The following RTN4 variants were observed in gnomAD, a reference collection of about 807,000 sequenced individuals.
The protein encoded by RTN4 is reticulon-4.
RTN4 carries 32 observed loss-of-function variants against 90.4 expected under a neutral mutation model. That is an observed-to-expected ratio of 0.35 (90% CI 0.27 to 0.48). The LOEUF is 0.48. RTN4 is among the 20% of genes least tolerant of loss of function. The probability of loss-of-function intolerance (pLI) is 0.99; values close to 1 mark genes in which losing one functional copy is unlikely to be tolerated. For synonymous variants in RTN4, 629 were observed against 552.5 expected, an observed-to-expected ratio of 1.14 and a Z score of -1.94; for missense variants, 1,706 against 1,430.2, an observed-to-expected ratio of 1.19 and a Z score of -3.11.
At chr2:55,031,459 G>T (rs902470588) in intron 1 of RTN4, among the ~76,000 whole-genome samples, 3 of 152,188 alleles carry the variant, frequency 2.0e-5, no homozygotes. Flanking sequence ...CTGGATAGGG[G>T]TTCCTCTTAA....
rs1486893043 is a variant in RTN4 at position 54,982,643 on chromosome 2, C to T, written c.3232G>A (p.Glu1078Lys). 7 of 1,605,024 alleles carry T rather than the reference C, an allele frequency of 4.4e-6. No individual in the cohort carries two copies. In the African/African-American group the frequency reaches 9.4e-5, roughly 22 times the overall value. ...DEGHPFRAYL[E>K]SEVAISEELV... ...TCCTCAGATATAGCAACTTCAGATTCCAGATATGCCCTAGAAAACAAAACA... is the reference window on the plus strand; with the variant it reads ...TCCTCAGATATAGCAACTTCAGATTTCAGATATGCCCTAGAAAACAAAACA... Residue 1078 changes from glutamate (E) to lysine (K), a missense_variant, in exon 5 of 9, where the codon GAA (glutamate) becomes AAA (lysine). Coordinates refer to ENST00000337526, the MANE Select transcript of RTN4 (RefSeq NM_020532.5).
rs530014526 is a variant in RTN4 at position 55,105,108 on chromosome 2, A to T, written c.-214+7412T>A. Among the ~76,000 whole-genome samples, 51 of 151,284 alleles carry T rather than the reference A, an allele frequency of 3.4e-4. No individual in the cohort carries two copies. In the Middle Eastern group the frequency reaches 0.017, roughly 51 times the overall value. ...AGGCGTGAGCCACCTGGCCCTGCTC[A>T]TTGTTTTCATTAGCATTTCTTTGAT... is the stretch of plus-strand genomic sequence containing the variant. On this transcript the variant is annotated intron_variant, in intron 1 of 3. Coordinates refer to the RTN4 transcript ENST00000427710.
chr2:55,099,699 C>T (rs1667817889), intron 1 of RTN4, among the ~76,000 whole-genome samples: 1 of 152,062 alleles, frequency 6.6e-6, no homozygotes, highest in Non-Finnish European at 1.5e-5. Context: ...TTTGAATCAC[C>T]ACTCTGCCAC....
rs1678592156 is a variant in RTN4, at chr2:54,986,757, T to C, written c.3221+734A>G. ...GTTGGGGAGTTGAACTGTTAATAAGTAGGAAGTTTCTTTTTGTGCGATGAA... is the reference window on the plus strand; with the variant it reads ...GTTGGGGAGTTGAACTGTTAATAAGCAGGAAGTTTCTTTTTGTGCGATGAA... On this transcript the variant is annotated intron_variant, in intron 4 of 8. Coordinates refer to ENST00000337526, the MANE Select transcript of RTN4 (RefSeq NM_020532.5). 3.3e-5 allele frequency among the ~76,000 whole-genome samples: 5 copies of C among 152,164 alleles called. No individual in the cohort carries two copies. The South Asian group carries it at 1.0e-3, about 32-fold the overall frequency.
rs1399086564 is a variant in RTN4, at chr2:54,973,173, T to G, written c.3562A>C (p.Lys1188Gln). 1 of 1,605,132 alleles carries G rather than the reference T, an allele frequency of 6.2e-7. No individual in the cohort carries two copies. Among genetic ancestry groups the G allele is most frequent in the Non-Finnish European group, 8.5e-7 (1 of 1,172,602 alleles). Residue 1188 changes from lysine (K) to glutamine (Q), a missense_variant, in exon 9 of 9, where the codon AAG (lysine) becomes CAG (glutamine). Physicochemically the swap from Lys to Gln is moderately conservative, Grantham distance 53. Transcript: ENST00000337526. ...AKIQAKIPGL[K>Q]RKAE ...GGGCGTTTTCATTCAGCTTTGCGCT[T>G]CAATCCAGGGATTTTTGCTTGGATT...
intron 1 of RTN4, among the ~76,000 whole-genome samples, chr2:55,088,955 G>A (rs1573510177): frequency 6.6e-6 from 1 of 152,152 alleles, no homozygotes; most frequent in East Asian, 1.9e-4. Context: ...ATTTTGAGAT[G>A]GAGTCTCGTT....
intron 1 of RTN4, among the ~76,000 whole-genome samples, chr2:55,030,364 G>A (rs1361703161): frequency 2.0e-5 from 3 of 151,934 alleles, no homozygotes; most frequent in Non-Finnish European, 2.9e-5. Flanking sequence ...AATGGGATTC[G>A]ATCCAGTTAC....
rs148063813 is a variant in RTN4 at position 55,022,554 on chromosome 2, A to G, written c.3013+2532T>C. Among the ~76,000 whole-genome samples, 669 of 152,232 alleles carry G rather than the reference A, an allele frequency of 4.4e-3. 7 individuals are homozygous for G. The highest frequency in any genetic ancestry group is 0.015 in the African/African-American group (628 of 41,532). On this transcript the variant is annotated intron_variant, in intron 3 of 8. Transcript: ENST00000337526. Reference sequence around the variant, plus strand: ...CCCTCTGCTCACCAATGCTGCTTCCAGACTTTTATTTCAGAGACCTTGGGC... The same window carrying G: ...CCCTCTGCTCACCAATGCTGCTTCCGGACTTTTATTTCAGAGACCTTGGGC...
intron 1 of RTN4, among the ~76,000 whole-genome samples, chr2:55,034,885 T>C (rs1682570346): frequency 6.6e-6 from 1 of 152,200 alleles, no homozygotes; most frequent in African/African-American, 2.4e-5. Flanking sequence ...GAAAGTATGT[T>C]TTATTACATG....
At chr2:55,123,021 C>T in the RTN4 span, among the ~76,000 whole-genome samples, 4 of 152,220 alleles carry the variant, frequency 2.6e-5, no homozygotes. Flanking sequence ...AAAATTATTA[C>T]AGCACTGCAA....
chr2:55,047,327 CAAAAAA>C (rs71799240), intron 1 of RTN4, among the ~76,000 whole-genome samples: 2 of 109,724 alleles, frequency 1.8e-5, no homozygotes, highest in Non-Finnish European at 4.1e-5. Context: ...GAGACTATCT[CAAAAAA>C]AAAAAAAAAA....
chr2:55,113,468 G>A (rs1489509779), upstream of RTN4, among the ~76,000 whole-genome samples: 4 of 152,158 alleles, frequency 2.6e-5, no homozygotes. Context: ...GTCCTCTTTT[G>A]GAAAGCTTCT....
intron 1 of RTN4, among the ~76,000 whole-genome samples, chr2:55,105,333 A>G (rs1216099350): frequency 4.7e-5 from 7 of 149,240 alleles, no homozygotes; most frequent in African/African-American, 1.7e-4. Flanking sequence ...AGGTTCAAGC[A>G]GTTCTCCTGC....
At chr2:55,006,084 G>T (rs560403831) in intron 3 of RTN4, among the ~76,000 whole-genome samples, 1 of 152,132 alleles carries the variant, frequency 6.6e-6, no homozygotes, top group African/African-American at 2.4e-5. Flanking sequence ...ATACTTAATG[G>T]AGGAAAAAGA....
At chr2:55,096,591 C>G (rs1667723244) in intron 1 of RTN4, among the ~76,000 whole-genome samples, 2 of 152,204 alleles carry the variant, frequency 1.3e-5, no homozygotes, top group South Asian at 2.1e-4. Flanking sequence ...TAATCATAGC[C>G]TTTCTCTGGC....
chr2:54,972,817 T>A lies in RTN4; in HGVS notation c.*339A>T. The stretch of plus-strand genomic sequence containing the variant: ...GGGCTTTTTTTTTTTTTTTTCTAGC[T>A]CCACCATCTCTGCAACTTGCCAAGA... On this transcript the variant is annotated 3_prime_UTR_variant, in exon 9 of 9. Coordinates refer to ENST00000337526, the MANE Select transcript of RTN4 (RefSeq NM_020532.5). 5.3e-6 allele frequency: 1 copy of A among 187,992 alleles called. No individual in the cohort carries two copies. The highest frequency in any genetic ancestry group is 1.1e-5 in the Non-Finnish European group (1 of 94,788). 11.6% of individuals were successfully genotyped at this position (187,992 alleles called of 1,614,324 possible). A position where few individuals can be genotyped will look rare whatever the true frequency, so the allele number is the denominator to read the frequency against.
chr2:55,116,089 G>GACTTTTTTTTTTTTTTTTTTTTTTTTT (rs1409371829), upstream of RTN4, among the ~76,000 whole-genome samples: 1 of 81,276 alleles, frequency 1.2e-5, no homozygotes, highest in African/African-American at 5.1e-5. Context: ...ATGGGGACTA[G>GACTTTTTTTTTTTTTTTTTTTTTTTTT]TCTTTTTTTT....
In RTN4 at chr2:55,066,201, G is replaced by T. The variant is rs868426291; in HGVS notation, c.-63+14288C>A. On this transcript the variant is annotated intron_variant, in intron 2 of 3. Transcript: ENST00000427710. The stretch of plus-strand genomic sequence containing the variant: ...TGTGTGTGTGTGTGTGTTTGTGTGT[G>T]TGTGTGTGTGTGTGTGTGTGTATGT... 8.9e-4 allele frequency among the ~76,000 whole-genome samples: 122 copies of T among 136,752 alleles called. 1 individual carries two copies. Among genetic ancestry groups the T allele is most frequent in the African/African-American group, 4.0e-3 (115 of 28,598 alleles). The allele number at this position is 136,752 out of a possible 152,430, so 89.7% of individuals were successfully genotyped here.
chr2:55,066,561 G>T (rs1392398665), intron 2 of RTN4, among the ~76,000 whole-genome samples: 1 of 152,018 alleles, frequency 6.6e-6, no homozygotes, highest in African/African-American at 2.4e-5. Context: ...CGGGCATGGT[G>T]CAGGCACCTG....
Sources: gnomAD v4.1 joint callset for allele counts (sites outside exome capture counted in the v4.1 genomes callset) on GRCh38, gnomAD v4.1.1 for gene constraint, MANE v1.5 for transcripts, NCBI Gene and HGNC (gene_info 2026-07-23, HGNC 2026-07-21) for gene names.